The following KCNIP1 variants were observed in gnomAD, a reference collection of about 807,000 sequenced individuals.
The protein encoded by KCNIP1 is A-type potassium channel modulatory protein KCNIP1.
Under a neutral mutation model 33.0 loss-of-function variants are expected in KCNIP1, and 18 were observed. The observed-to-expected ratio is 0.55, with a 90% CI of 0.38 to 0.81. KCNIP1 has a LOEUF of 0.81. KCNIP1 is among the 30% of genes least tolerant of loss of function. The probability of loss-of-function intolerance (pLI) is 0.00; values close to 1 mark genes in which losing one functional copy is unlikely to be tolerated. For synonymous variants in KCNIP1, 93 were observed against 98.3 expected (o/e 0.95, Z 0.32); for missense variants, 238 against 271.6 (o/e 0.88, Z 0.87).
At chr5:170,666,203 T>C (rs912936355) in intron 1 of KCNIP1, among the ~76,000 whole-genome samples, 3 of 152,234 alleles carry the variant, frequency 2.0e-5, no homozygotes, top group Non-Finnish European at 4.4e-5. Context: ...GTTGACACTT[T>C]GGGTTATAAT....
chr5:170,682,590 C>T (rs1277997495), intron 1 of KCNIP1, among the ~76,000 whole-genome samples: 1 of 152,096 alleles, frequency 6.6e-6, no homozygotes, highest in Non-Finnish European at 1.5e-5. Context: ...CTAGTTCTGT[C>T]TGCTCCAGCC....
chr5:170,504,489 A>G lies in KCNIP1; in HGVS notation c.-84A>G. 6.2e-7 allele frequency: 1 copy of G among 1,600,466 alleles called. No homozygotes were observed. The highest frequency in any genetic ancestry group is 8.5e-7 in the Non-Finnish European group (1 of 1,178,220). ...GGCGCTTTTCTCTCCTCCAATTCAG[A>G]GTAGACAAACCACGGGGATTTCTTT... On this transcript the variant is annotated 5_prime_UTR_variant, in exon 1 of 8. Transcript: ENST00000328939. The surrounding 1 kb of genome is among the most constrained non-coding windows in gnomAD (Gnocchi z 6.0).
At chr5:170,394,335 C>T (rs902739233) in intron 1 of KCNIP1, among the ~76,000 whole-genome samples, 1 of 152,220 alleles carries the variant, frequency 6.6e-6, no homozygotes, top group Non-Finnish European at 1.5e-5. Flanking sequence ...GTGCATCCTC[C>T]ATTAACATGT....
At chr5:170,363,463 C>G (rs1763571569) in intron 1 of KCNIP1, among the ~76,000 whole-genome samples, 1 of 152,190 alleles carries the variant, frequency 6.6e-6, no homozygotes, top group Admixed American at 6.5e-5. Context: ...TACACACACA[C>G]AGAGGAAAAG....
chr5:170,514,448 C>A (rs1239880797), intron 1 of KCNIP1, among the ~76,000 whole-genome samples: 1 of 152,206 alleles, frequency 6.6e-6, no homozygotes, highest in East Asian at 1.9e-4. Context: ...TCCCTCTTTG[C>A]ATACATCCAG....
chr5:170,686,599 G>A (rs1762543162), intron 1 of KCNIP1, among the ~76,000 whole-genome samples: 1 of 152,174 alleles, frequency 6.6e-6, no homozygotes, highest in Non-Finnish European at 1.5e-5. Flanking sequence ...CTTGAGTTGT[G>A]GCCAAAGCAC....
intron 1 of KCNIP1, among the ~76,000 whole-genome samples, chr5:170,598,221 G>A (rs1454793937): frequency 1.3e-5 from 2 of 152,156 alleles, no homozygotes; most frequent in African/African-American, 2.4e-5. Context: ...GGGAGATGAG[G>A]GGAAGCCACC....
In KCNIP1 at chr5:170,358,916, C is replaced by T. The variant is rs376136030; in HGVS notation, c.88+4952C>T. Among the ~76,000 whole-genome samples, 7 of 152,314 alleles carry T rather than the reference C, an allele frequency of 4.6e-5. No individual in the cohort carries two copies. In the East Asian group the frequency reaches 9.6e-4, roughly 21 times the overall value. On this transcript the variant is annotated intron_variant, in intron 1 of 7. Coordinates refer to the KCNIP1 transcript ENST00000377360. ...CACTCCTAGGGCTGGAGAAGTCACG[C>T]CTGCCTGCACTACTCCCCACCTTGC...
In KCNIP1 at chr5:170,682,784, C is replaced by CTTTTTTTTTTTTTTTTTTTTTTTTTTTTT. The variant is rs70979196; in HGVS notation, c.62-35949_62-35948insTTTTTTTTTTTTTTTTTTTTTTTTTTTTT. Among the ~76,000 whole-genome samples, 11 of 71,392 alleles carry CTTTTTTTTTTTTTTTTTTTTTTTTTTTTT rather than the reference C, an allele frequency of 1.5e-4. 2 individuals are homozygous for CTTTTTTTTTTTTTTTTTTTTTTTTTTTTT. Among genetic ancestry groups the CTTTTTTTTTTTTTTTTTTTTTTTTTTTTT allele is most frequent in the African/African-American group, 4.1e-4 (7 of 17,264 alleles). 46.8% of individuals were successfully genotyped at this position (71,392 alleles called of 152,430 possible). ...CAACAGCGTCCTATTTTCTTTGTTT[C>CTTTTTTTTTTTTTTTTTTTTTTTTTTTTT]TTTTTTTTTTTTTTTTTTTTTTTTT... On this transcript the variant is annotated intron_variant, in intron 1 of 7. Transcript: ENST00000328939.
intron 1 of KCNIP1, among the ~76,000 whole-genome samples, chr5:170,628,760 G>A (rs868160500): frequency 7.2e-5 from 11 of 152,338 alleles, no homozygotes; most frequent in Middle Eastern, 3.4e-3. Context: ...TGCAGTGCAC[G>A]CGCTTCTGGC....
chr5:170,459,095 G>C (rs968581062), intron 1 of KCNIP1, among the ~76,000 whole-genome samples: 2 of 152,158 alleles, frequency 1.3e-5, no homozygotes, highest in African/African-American at 4.8e-5. Flanking sequence ...AAAAGACAAA[G>C]AGGGACATTA....
At chr5:170,391,749 T>C (rs1754601327) in intron 1 of KCNIP1, among the ~76,000 whole-genome samples, 1 of 152,190 alleles carries the variant, frequency 6.6e-6, no homozygotes, top group Non-Finnish European at 1.5e-5. Flanking sequence ...CCCAAGCAAG[T>C]TACTTTGCCT....
At chr5:170,652,892 C>T (rs1045174314) in intron 1 of KCNIP1, among the ~76,000 whole-genome samples, 2 of 152,246 alleles carry the variant, frequency 1.3e-5, no homozygotes, top group African/African-American at 4.8e-5. Flanking sequence ...TCAGCAAACC[C>T]TGGGTGCATA....
Position 170,504,567 on chromosome 5 carries a change from G to A in KCNIP1, c.-6G>A, listed in dbSNP as rs1438213834. ...GGTCCCAACTCGCACTCAAGTCTTC[G>A]CTGCCATGGGGGCCGTCATGGGCAC... On this transcript the variant is annotated 5_prime_UTR_variant, in exon 1 of 8. Coordinates refer to ENST00000328939, the MANE Select transcript of KCNIP1 (RefSeq NM_014592.4). The surrounding 1 kb of genome is among the most constrained non-coding windows in gnomAD (Gnocchi z 6.0). The A allele has an allele frequency of 6.2e-7, 1 of 1,613,236 alleles. No individual in the cohort carries two copies. The highest frequency in any genetic ancestry group is 8.5e-7 in the Non-Finnish European group (1 of 1,179,990).
At position 170,602,730 on chromosome 5, in the gene KCNIP1, G is replaced by T. The variant is rs115263160; in HGVS notation, c.61+98097G>T. Among the ~76,000 whole-genome samples, 1,041 of 152,266 alleles carry T rather than the reference G, an allele frequency of 6.8e-3. 13 individuals are homozygous for T. Among genetic ancestry groups the T allele is most frequent in the African/African-American group, 0.024 (998 of 41,554 alleles). On this transcript the variant is annotated intron_variant, in intron 1 of 7. Coordinates refer to ENST00000328939, the MANE Select transcript of KCNIP1 (RefSeq NM_014592.4). ...AAGCATCACCACAGGCTCCTTGCCAGTCACCTCATCTCACCCTCCTGGCCC... is the reference window on the plus strand; with the variant it reads ...AAGCATCACCACAGGCTCCTTGCCATTCACCTCATCTCACCCTCCTGGCCC...
At chr5:170,455,037 G>C (rs564402947) in intron 1 of KCNIP1, among the ~76,000 whole-genome samples, 1 of 152,144 alleles carries the variant, frequency 6.6e-6, no homozygotes, top group African/African-American at 2.4e-5. Context: ...AAACAAATAT[G>C]CTCCTAAAAA....
At chr5:170,572,481 G>A (rs952388664) in intron 1 of KCNIP1, among the ~76,000 whole-genome samples, 3 of 152,142 alleles carry the variant, frequency 2.0e-5, no homozygotes, top group Non-Finnish European at 4.4e-5. Flanking sequence ...GCAAACCCCA[G>A]CGCCAAAGGA....
At chr5:170,631,958 G>A (rs1184664365) in intron 1 of KCNIP1, among the ~76,000 whole-genome samples, 1 of 152,226 alleles carries the variant, frequency 6.6e-6, no homozygotes, top group African/African-American at 2.4e-5. Flanking sequence ...AACTGGTCAG[G>A]GGTGGACCTC....
intron 1 of KCNIP1, among the ~76,000 whole-genome samples, chr5:170,470,028 G>A (rs2113131541): frequency 6.6e-6 from 1 of 152,280 alleles, no homozygotes; most frequent in Non-Finnish European, 1.5e-5. Flanking sequence ...TATCAGCCAG[G>A]CAGATAGTGG....
Sources: allele counts gnomAD v4.1 joint callset (sites outside exome capture counted in the v4.1 genomes callset), GRCh38; gene constraint gnomAD v4.1.1; non-coding constraint Gnocchi (gnomAD v3.1); transcripts MANE v1.5; gene names NCBI Gene and HGNC (gene_info 2026-07-23, HGNC 2026-07-21).